Variants in GRID1 observed in about 807,000 individuals in gnomAD.
GRID1 encodes the protein glutamate receptor ionotropic, delta-1.
A neutral mutation model predicts 98.0 loss-of-function variants in GRID1; 28 were observed. The ratio of observed to expected loss-of-function variants is 0.29; its 90% CI spans 0.21 to 0.39. GRID1 has a LOEUF of 0.39. Ranked by LOEUF, GRID1 falls within the 10% of genes least tolerant of loss-of-function variation. The pLI, the probability that GRID1 is intolerant of heterozygous loss-of-function variation, is 1.00. For synonymous variants in GRID1, 553 were observed against 538.5 expected (o/e 1.03, Z -0.37); for missense variants, 1,111 against 1,340.5 (o/e 0.83, Z 2.67).
At position 85,599,935 on chromosome 10, in the gene GRID1, A is replaced by G. The variant is rs1842550954; in HGVS notation, c.*2338T>C. On this transcript the variant is annotated 3_prime_UTR_variant, in exon 16 of 16. Transcript: ENST00000327946. Reference sequence around the variant, plus strand: ...CTCTCTCTCTCACACACACACACACACACAAACACACACACACAGGCGCAC... The same window carrying G: ...CTCTCTCTCTCACACACACACACACGCACAAACACACACACACAGGCGCAC... 6.7e-6 allele frequency: 1 copy of G among 149,410 alleles called. No individual in the cohort carries two copies. Among genetic ancestry groups the G allele is most frequent in the Non-Finnish European group, 1.5e-5 (1 of 67,570 alleles). The allele number at this position is 149,410 out of a possible 1,614,324, so 9.3% of individuals were successfully genotyped here.
At chr10:85,652,272 T>G (rs939689962) in intron 12 of GRID1, among the ~76,000 whole-genome samples, 4 of 152,350 alleles carry the variant, frequency 2.6e-5, no homozygotes, top group African/African-American at 9.6e-5. Flanking sequence ...GAGATAAATG[T>G]GTTTGCAGTA....
At chr10:85,641,621 G>T (rs369872351) in intron 13 of GRID1, among the ~76,000 whole-genome samples, 2 of 152,338 alleles carry the variant, frequency 1.3e-5, no homozygotes, top group East Asian at 3.9e-4. Context: ...AAGTCACTTA[G>T]TTTCTCTGAG....
intron 8 of GRID1, among the ~76,000 whole-genome samples, chr10:85,766,963 CTAGAGGGGAAG>C (rs1564583762): frequency 6.6e-6 from 1 of 152,156 alleles, no homozygotes; most frequent in Non-Finnish European, 1.5e-5. Context: ...CTGTGTGTAA[CTAGAGGGGAAG>C]AGCCTTCCTC....
chr10:86,346,428 T>G (rs1589457052), intron 2 of GRID1, among the ~76,000 whole-genome samples: 1 of 152,136 alleles, frequency 6.6e-6, no homozygotes. Flanking sequence ...GGCAGCTGGG[T>G]GGGGCCTGGC....
At position 85,613,658 on chromosome 10, in the gene GRID1, C is replaced by A. The variant is rs758259284; in HGVS notation, c.2361-11G>T. ...TGCAGCTCCAGGATCCTGTAAGACA[C>A]AATCAAGGTGAGCTATAGCCACTGA... On this transcript the variant is annotated splice_polypyrimidine_tract_variant and intron_variant, in intron 14 of 15. Coordinates refer to ENST00000327946, the MANE Select transcript of GRID1 (RefSeq NM_017551.3). The A allele has an allele frequency of 6.2e-7, 1 of 1,610,286 alleles. No individual in the cohort carries two copies. The highest frequency in any genetic ancestry group is 1.1e-5 in the South Asian group (1 of 90,820).
chr10:85,877,505 A>C (rs1840912363), intron 5 of GRID1, among the ~76,000 whole-genome samples: 1 of 152,174 alleles, frequency 6.6e-6, no homozygotes, highest in South Asian at 2.1e-4. Context: ...CACCCAGGCA[A>C]ACAGGGTCTG....
intron 2 of GRID1, among the ~76,000 whole-genome samples, chr10:86,309,920 G>A (rs1847809554): frequency 6.6e-6 from 1 of 152,140 alleles, no homozygotes; most frequent in Non-Finnish European, 1.5e-5. Context: ...CCTCCAGCCA[G>A]GACACAGCTG....
chr10:86,028,154 A>G (rs1843139937), intron 4 of GRID1, among the ~76,000 whole-genome samples: 1 of 152,114 alleles, frequency 6.6e-6, no homozygotes, highest in African/African-American at 2.4e-5. Flanking sequence ...CTGCATCTCC[A>G]CCCAATACTT....
intron 4 of GRID1, among the ~76,000 whole-genome samples, chr10:86,013,737 G>A (rs1217544834): frequency 6.6e-6 from 1 of 152,196 alleles, no homozygotes; most frequent in Non-Finnish European, 1.5e-5. Context: ...CATCATGCTA[G>A]TCTAAAACAT....
At chr10:85,878,645 G>A (rs1343437794) in intron 5 of GRID1, among the ~76,000 whole-genome samples, 23 of 152,230 alleles carry the variant, frequency 1.5e-4, no homozygotes, top group Admixed American at 1.2e-3. Context: ...AGGAACAACC[G>A]GTACCAGCCA....
chr10:86,064,552 T>C lies in GRID1; in HGVS notation c.726+74267A>G, dbSNP rs536336874. 1.5e-4 allele frequency among the ~76,000 whole-genome samples: 23 copies of C among 152,280 alleles called. No homozygotes were observed. The South Asian group carries it at 2.7e-3, about 18-fold the overall frequency. On this transcript the variant is annotated intron_variant, in intron 4 of 15. Coordinates refer to ENST00000327946, the MANE Select transcript of GRID1 (RefSeq NM_017551.3). Reference sequence around the variant, plus strand: ...GCTGCAATGGGTATCAAATGTTTCCTCCATCCCAGAACACAGAGGAACCAA... The same window carrying C: ...GCTGCAATGGGTATCAAATGTTTCCCCCATCCCAGAACACAGAGGAACCAA...
intron 2 of GRID1, among the ~76,000 whole-genome samples, chr10:86,349,804 T>G (rs1355053927): frequency 6.6e-6 from 1 of 152,188 alleles, no homozygotes; most frequent in African/African-American, 2.4e-5. Flanking sequence ...CCAAGGACTT[T>G]TACTGAACAC....
chr10:86,095,021 G>A (rs1030809669), intron 4 of GRID1, among the ~76,000 whole-genome samples: 1 of 152,238 alleles, frequency 6.6e-6, no homozygotes, highest in Admixed American at 6.5e-5. Context: ...GAACAGAATA[G>A]AGAAACCAGA....
At chr10:85,779,681 A>G (rs1382721435) in intron 8 of GRID1, among the ~76,000 whole-genome samples, 1 of 152,152 alleles carries the variant, frequency 6.6e-6, no homozygotes, top group Non-Finnish European at 1.5e-5. Context: ...GAGGTTAATT[A>G]CATCATCTAA....
chr10:86,331,234 C>T (rs1432962234), intron 2 of GRID1, among the ~76,000 whole-genome samples: 3 of 152,230 alleles, frequency 2.0e-5, no homozygotes, highest in Non-Finnish European at 2.9e-5. Context: ...ATCATGGCCT[C>T]TTTAAGTGGC....
At chr10:86,128,500 A>C (rs1486672538) in intron 4 of GRID1, among the ~76,000 whole-genome samples, 1 of 152,124 alleles carries the variant, frequency 6.6e-6, no homozygotes, top group Non-Finnish European at 1.5e-5. Flanking sequence ...TTTCCCCCTG[A>C]CACTGCTCAC....
intron 6 of GRID1, among the ~76,000 whole-genome samples, chr10:85,867,748 A>T: frequency 6.6e-6 from 1 of 152,226 alleles, no homozygotes; most frequent in East Asian, 1.9e-4. Flanking sequence ...CCACCGCCTT[A>T]GAAAGACCCC....
At position 86,024,154 on chromosome 10, in the gene GRID1, G is replaced by A. The variant is rs115019390; in HGVS notation, c.727-107915C>T. 3.6e-3 allele frequency among the ~76,000 whole-genome samples: 551 copies of A among 152,286 alleles called. 6 individuals carry two copies. Among genetic ancestry groups the A allele is most frequent in the African/African-American group, 0.012 (519 of 41,554 alleles). The stretch of plus-strand genomic sequence containing the variant: ...TGACCAGGGTTGGAATGGGCAGTCC[G>A]GGATGAGATCATCCAGTTTACAAAT... On this transcript the variant is annotated intron_variant, in intron 4 of 15. Coordinates refer to ENST00000327946, the MANE Select transcript of GRID1 (RefSeq NM_017551.3).
chr10:86,171,026 G>A (rs1218418834), intron 3 of GRID1, among the ~76,000 whole-genome samples: 1 of 152,042 alleles, frequency 6.6e-6, no homozygotes, highest in Non-Finnish European at 1.5e-5. Context: ...TGAGGCAGTG[G>A]TTCTCAGACT....
Sources: allele counts gnomAD v4.1 joint callset (sites outside exome capture counted in the v4.1 genomes callset), GRCh38; gene constraint gnomAD v4.1.1; transcripts MANE v1.5; gene names NCBI Gene and HGNC (gene_info 2026-07-23, HGNC 2026-07-21).